DTNA: variants seen among roughly 807,000 people sequenced by gnomAD.
DTNA encodes the protein dystrobrevin alpha.
DTNA carries 43 observed loss-of-function variants against 100.7 expected under a neutral mutation model. The observed-to-expected ratio is 0.43, with a 90% CI of 0.33 to 0.55. The LOEUF is 0.55. Among genes scored for constraint, DTNA ranks in the 20% least tolerant of loss-of-function variants. The pLI, the probability that DTNA is intolerant of heterozygous loss-of-function variation, is 0.04. For missense variants in DTNA, 798 were observed against 953.9 expected (o/e 0.84, Z 2.15); for synonymous variants, 349 against 347.9 (o/e 1.00, Z -0.04).
chr18:34,583,479 C>T (rs2048829970), intron 1 of DTNA, among the ~76,000 whole-genome samples: 1 of 151,816 alleles, frequency 6.6e-6, no homozygotes, highest in Admixed American at 6.6e-5. Context: ...TTAAGTCTAC[C>T]CTCTCCCTCC....
At chr18:34,542,671 A>G (rs76239755) in intron 1 of DTNA, among the ~76,000 whole-genome samples, 1 of 123,316 alleles carries the variant, frequency 8.1e-6, no homozygotes, top group Non-Finnish European at 1.8e-5. Context: ...CTGTTCTGTG[A>G]AAAAAAAAAA....
intron 1 of DTNA, chr18:34,662,966 T>C (rs568727312): frequency 2.0e-5 from 3 of 152,244 alleles, no homozygotes; most frequent in Non-Finnish European, 2.9e-5. Flanking sequence ...GTCACACAGA[T>C]GTGCAAAAGT....
chr18:34,834,606 T>C (rs2096094242), intron 11 of DTNA, among the ~76,000 whole-genome samples: 2 of 152,138 alleles, frequency 1.3e-5, no homozygotes, highest in Admixed American at 1.3e-4. Context: ...CTTCCACTTA[T>C]GACAGAAGGC....
chr18:34,535,632 T>C (rs2509592), intron 1 of DTNA, among the ~76,000 whole-genome samples: 137,235 of 152,138 alleles, frequency 0.9, 61,921 homozygotes, highest in Middle Eastern at 0.95. Context: ...TTAGGATTTA[T>C]GTTTAAGTCT....
chr18:34,858,641 C>A (rs1450282245), intron 16 of DTNA, among the ~76,000 whole-genome samples: 1 of 152,166 alleles, frequency 6.6e-6, no homozygotes, highest in Non-Finnish European at 1.5e-5. Flanking sequence ...GACAGAGTTT[C>A]ACTCTTGTTG....
chr18:34,579,836 AT>A (rs2048450281), intron 1 of DTNA, among the ~76,000 whole-genome samples: 5 of 152,074 alleles, frequency 3.3e-5, no homozygotes, highest in Non-Finnish European at 4.4e-5. Context: ...AACTTTCTTC[AT>A]ACATGGGTTG....
intron 1 of DTNA, among the ~76,000 whole-genome samples, chr18:34,594,143 G>T: frequency 7.0e-6 from 1 of 143,688 alleles, no homozygotes; most frequent in Middle Eastern, 3.5e-3. Context: ...CCTCCTTCAG[G>T]AAAAAAAAAA....
chr18:34,733,968 A>G (rs931916703), intron 1 of DTNA, among the ~76,000 whole-genome samples: 16 of 152,184 alleles, frequency 1.1e-4, no homozygotes, highest in African/African-American at 2.9e-4. Flanking sequence ...ATCCAACTCT[A>G]TGTTCCTTCT....
chr18:34,698,396 G>A (rs915657507), intron 1 of DTNA, among the ~76,000 whole-genome samples: 2 of 152,198 alleles, frequency 1.3e-5, no homozygotes, highest in Non-Finnish European at 2.9e-5. Flanking sequence ...ATCCCCCCTT[G>A]CCTCTTCCTA....
intron 1 of DTNA, among the ~76,000 whole-genome samples, chr18:34,661,423 T>C (rs1474587303): frequency 6.6e-6 from 1 of 152,174 alleles, no homozygotes; most frequent in Non-Finnish European, 1.5e-5. Flanking sequence ...TCTCTTTTCC[T>C]GGTGATGAGG....
intron 1 of DTNA, among the ~76,000 whole-genome samples, chr18:34,550,645 A>C (rs16965440): frequency 0.045 from 6,821 of 152,280 alleles, 405 homozygotes; most frequent in African/African-American, 0.14. Flanking sequence ...CAATAAAATT[A>C]ATCTAGTTTT....
Position 34,822,367 on chromosome 18 carries a change from TCC to T in DTNA, c.1001+1454_1001+1455del, listed in dbSNP as rs1232145345. ...ACAGCGAAGTGAGAGCAGCCAGTGC[TCC>T]CTGAGCTCTGCCGAGAGTAATTTCC... On this transcript the variant is annotated intron_variant, in intron 9 of 22. Coordinates refer to ENST00000444659, the MANE Select transcript of DTNA (RefSeq NM_001386795.1). 5 of 152,320 alleles carry T rather than the reference TCC, an allele frequency of 3.3e-5. No individual in the cohort carries two copies. In the East Asian group the frequency reaches 7.7e-4, roughly 24 times the overall value. 9.4% of individuals were successfully genotyped at this position (152,320 alleles called of 1,614,324 possible).
At chr18:34,861,223 C>T (rs1361922371) in intron 16 of DTNA, among the ~76,000 whole-genome samples, 1 of 152,098 alleles carries the variant, frequency 6.6e-6, no homozygotes, top group Non-Finnish European at 1.5e-5. Context: ...CGGTGGCTCA[C>T]ACCTGTCATC....
intron 1 of DTNA, among the ~76,000 whole-genome samples, chr18:34,552,739 G>T (rs1310061860): frequency 1.3e-5 from 2 of 151,290 alleles, no homozygotes; most frequent in East Asian, 3.9e-4. Flanking sequence ...AGTATTCCAT[G>T]GTGTATATGT....
At chr18:34,747,068 C>T (rs114347884) in intron 1 of DTNA, among the ~76,000 whole-genome samples, 1,883 of 150,228 alleles carry the variant, frequency 0.013, 44 homozygotes, top group African/African-American at 0.045. Flanking sequence ...TAAAGTTTGC[C>T]TCATTAGATA....
chr18:34,890,107 T>A lies in DTNA; in HGVS notation c.*2373T>A, dbSNP rs558436311. Reference sequence around the variant, plus strand: ...AGCTGGCATATGTTGTTTCTTTGTGTTTCTACATCAAAATGTTCGTCTAAG... The same window carrying A: ...AGCTGGCATATGTTGTTTCTTTGTGATTCTACATCAAAATGTTCGTCTAAG... On this transcript the variant is annotated 3_prime_UTR_variant, in exon 23 of 23. Coordinates refer to ENST00000444659, the MANE Select transcript of DTNA (RefSeq NM_001386795.1). 2.2e-5 allele frequency: 31 copies of A among 1,402,484 alleles called. No individual in the cohort carries two copies. In the South Asian group the frequency reaches 5.0e-4, roughly 23 times the overall value. The allele number at this position is 1,402,484 out of a possible 1,614,324, so 86.9% of individuals were successfully genotyped here.
At chr18:34,816,337 C>A (rs1365782268) in intron 7 of DTNA, among the ~76,000 whole-genome samples, 1 of 152,090 alleles carries the variant, frequency 6.6e-6, no homozygotes, top group Non-Finnish European at 1.5e-5. Flanking sequence ...ATCCGAATTT[C>A]TCATATTTGC....
intron 1 of DTNA, among the ~76,000 whole-genome samples, chr18:34,720,890 A>G (rs2085163553): frequency 6.6e-6 from 1 of 152,206 alleles, no homozygotes; most frequent in South Asian, 2.1e-4. Flanking sequence ...TAGGGAATAC[A>G]TTGATAATGT....
At chr18:34,636,113 G>A (rs1357243386) in intron 1 of DTNA, among the ~76,000 whole-genome samples, 1 of 152,080 alleles carries the variant, frequency 6.6e-6, no homozygotes, top group Non-Finnish European at 1.5e-5. Context: ...CACACAAAAT[G>A]TTAAAAAGAC....
Sources: allele counts gnomAD v4.1 joint callset (sites outside exome capture counted in the v4.1 genomes callset), GRCh38; gene constraint gnomAD v4.1.1; transcripts MANE v1.5; gene names NCBI Gene and HGNC (gene_info 2026-07-23, HGNC 2026-07-21).